Variants in ZCCHC14 observed in about 807,000 individuals in gnomAD.
ZCCHC14 encodes the protein zinc finger CCHC-type containing 14, also known as zinc finger CCHC domain-containing protein 14.
A neutral mutation model predicts 85.0 loss-of-function variants in ZCCHC14; 16 were observed. That is an observed-to-expected ratio of 0.19 (90% CI 0.13 to 0.29). The LOEUF (loss-of-function observed/expected upper bound fraction) is 0.29. Among genes scored for constraint, ZCCHC14 ranks in the 10% least tolerant of loss-of-function variants. The pLI, the probability that ZCCHC14 is intolerant of heterozygous loss-of-function variation, is 1.00. For missense variants in ZCCHC14, 1,303 were observed against 1,443.5 expected (o/e 0.90, Z 1.58); for synonymous variants, 775 against 630.7 (o/e 1.23, Z -3.43).
chr16:87,442,740 CA>C (rs1567524529), intron 2 of ZCCHC14, among the ~76,000 whole-genome samples: 1 of 152,158 alleles, frequency 6.6e-6, no homozygotes, highest in South Asian at 2.1e-4. Flanking sequence ...AAACTAAAGA[CA>C]AAAAAATCTT....
In ZCCHC14 at chr16:87,492,441, G is replaced by A. The variant is rs890800733; in HGVS notation, c.-203C>T. On this transcript the variant is annotated 5_prime_UTR_variant, in exon 1 of 13. Transcript: ENST00000671377. This position sits in a 1 kb window ranked among gnomAD's most constrained non-coding sequence, Gnocchi z 6.7. The stretch of plus-strand genomic sequence containing the variant: ...GGGGCCGGGCAAGGCTCCCGTCAGG[G>A]GCCGGCGGGCGGGCGCGCGCGGGGC... The A allele has an allele frequency of 2.1e-5, 3 of 145,032 alleles. No individual in the cohort carries two copies. The highest frequency in any genetic ancestry group is 2.1e-4 in the South Asian group (1 of 4,748). The allele number at this position is 145,032 out of a possible 1,614,324, so 9.0% of individuals were successfully genotyped here.
Position 87,420,772 on chromosome 16 carries a change from A to G in ZCCHC14, c.841-56T>C. The G allele has an allele frequency of 2.1e-6, 3 of 1,462,462 alleles. No individual in the cohort carries two copies. Among genetic ancestry groups the G allele is most frequent in the Non-Finnish European group, 2.8e-6 (3 of 1,075,862 alleles). The allele number at this position is 1,462,462 out of a possible 1,614,324, so 90.6% of individuals were successfully genotyped here. ...GTCCAGACCCATCCAACACCAGCAG[A>G]ATTCTGCTACTGCAGGAAAACCTGG... On this transcript the variant is annotated intron_variant, in intron 4 of 12. Coordinates refer to ENST00000671377, the MANE Select transcript of ZCCHC14 (RefSeq NM_015144.3). This position sits in a 1 kb window ranked among gnomAD's most constrained non-coding sequence, Gnocchi z 5.0.
intron 3 of ZCCHC14, among the ~76,000 whole-genome samples, chr16:87,424,999 T>TCACCCA (rs143498303): frequency 1.1e-4 from 17 of 152,198 alleles, no homozygotes; most frequent in African/African-American, 3.1e-4. Flanking sequence ...CTCTGCTCCC[T>TCACCCA]CACCCACACC....
At chr16:87,414,688 T>A (rs569891236) in intron 9 of ZCCHC14, 147 bp from the exon 10 acceptor site, 1 of 1,169,174 alleles carries the variant, frequency 8.6e-7, no homozygotes, top group Non-Finnish European at 1.2e-6. Context: ...CACAGGGAAA[T>A]TCCCCCCAGA....
Position 87,412,130 on chromosome 16 carries a change from G to A in ZCCHC14, c.2591C>T (p.Pro864Leu), listed in dbSNP as rs765303934. ...CAGCGCCGGGCTGGAGCTGGGGGCT[G>A]GGCAGCTGGGCAACGTGGCCATGTT... ...FANMATLPSCPAPSSSPALSS... is the reference protein window; with the variant it reads ...FANMATLPSCLAPSSSPALSS... The change falls in exon 12 of 13, where the codon CCA (proline) becomes CTA (leucine). Residue 864 changes from proline (P) to leucine (L), a missense_variant. By Grantham distance (98) the Pro-to-Leu change is moderately conservative. This residue lies in a region of ZCCHC14 where 797 missense variants were observed against 730.8 expected (regional missense o/e 1.09). Transcript: ENST00000671377. The A allele has an allele frequency of 1.2e-6, 2 of 1,613,718 alleles. No homozygotes were observed. Among genetic ancestry groups the A allele is most frequent in the African/African-American group, 2.7e-5 (2 of 74,934 alleles).
At chr16:87,454,390 G>T (rs751287933) in intron 2 of ZCCHC14, among the ~76,000 whole-genome samples, 2 of 152,078 alleles carry the variant, frequency 1.3e-5, no homozygotes, top group African/African-American at 4.8e-5. Context: ...CATCCTCAAC[G>T]CAGCCAGAGA....
rs1309837468 is a variant in ZCCHC14 at position 87,492,397 on chromosome 16, C to CGGGGCG, written c.-165_-160dup. On this transcript the variant is annotated 5_prime_UTR_variant, in exon 1 of 13. Coordinates refer to ENST00000671377, the MANE Select transcript of ZCCHC14 (RefSeq NM_015144.3). This position sits in a 1 kb window ranked among gnomAD's most constrained non-coding sequence, Gnocchi z 6.7. ...CGGGCGCCGCGGGCCGGGCGGGCGC[C>CGGGGCG]GGGGCGGGGGCGGGGACCGGGGCCG... Among the ~76,000 whole-genome samples, 5 of 140,622 alleles carry CGGGGCG rather than the reference C, an allele frequency of 3.6e-5. No individual in the cohort carries two copies. The highest frequency in any genetic ancestry group is 2.1e-4 in the East Asian group (1 of 4,706). 92.3% of individuals were successfully genotyped at this position (140,622 alleles called of 152,430 possible). A position where few individuals can be genotyped will look rare whatever the true frequency, so the allele number is the denominator to read the frequency against.
intron 4 of ZCCHC14, among the ~76,000 whole-genome samples, chr16:87,421,449 G>A (rs1178308691): frequency 6.6e-6 from 1 of 152,186 alleles, no homozygotes; most frequent in African/African-American, 2.4e-5. Context: ...GGTGCTGGAG[G>A]AGGTCAGCTC....
At chr16:87,413,654 C>A (rs752532714) in intron 10 of ZCCHC14, among the ~76,000 whole-genome samples, 15 of 152,128 alleles carry the variant, frequency 9.9e-5, no homozygotes, top group Non-Finnish European at 1.8e-4. Flanking sequence ...GACAACGGAG[C>A]AAGCGCGCCA....
chr16:87,438,412 T>C (rs898919217), intron 2 of ZCCHC14, among the ~76,000 whole-genome samples: 2 of 152,238 alleles, frequency 1.3e-5, no homozygotes, highest in Non-Finnish European at 2.9e-5. Flanking sequence ...CATGTTAGTT[T>C]TGTGGGCAAT....
chr16:87,491,542 T>G lies in ZCCHC14; in HGVS notation c.570+127A>C. On this transcript the variant is annotated intron_variant, in intron 1 of 12. Coordinates refer to ENST00000671377, the MANE Select transcript of ZCCHC14 (RefSeq NM_015144.3). The surrounding 1 kb of genome is among the most constrained non-coding windows in gnomAD (Gnocchi z 5.9). ...GGGCTCGTGGTGCAGGTTGGAGACC[T>G]GGGTGGGAGCTCTCAGTGCAGGCTG... The G allele has an allele frequency of 2.4e-6, 2 of 834,350 alleles. No homozygotes were observed. Among genetic ancestry groups the G allele is most frequent in the Non-Finnish European group, 3.3e-6 (2 of 609,412 alleles). The allele number at this position is 834,350 out of a possible 1,614,324, so 51.7% of individuals were successfully genotyped here.
chr16:87,423,903 A>G, intron 3 of ZCCHC14, 22 bp from the exon 4 acceptor site: 1 of 1,612,046 alleles, frequency 6.2e-7, no homozygotes, highest in Non-Finnish European at 8.5e-7. Context: ...ACAAACAAAC[A>G]AACCTTAGAA....
intron 1 of ZCCHC14, among the ~76,000 whole-genome samples, chr16:87,478,994 G>C (rs1912147565): frequency 6.6e-6 from 1 of 152,150 alleles, no homozygotes. Flanking sequence ...GTAGGGGTGA[G>C]GGTTGTTCCT....
intron 2 of ZCCHC14, among the ~76,000 whole-genome samples, chr16:87,452,958 T>A (rs1483805874): frequency 6.6e-6 from 1 of 152,148 alleles, no homozygotes; most frequent in Non-Finnish European, 1.5e-5. Flanking sequence ...TGGAGATACC[T>A]TGGGGGCCCT....
intron 1 of ZCCHC14, among the ~76,000 whole-genome samples, chr16:87,464,506 A>G (rs1911428308): frequency 6.6e-6 from 1 of 152,224 alleles, no homozygotes; most frequent in African/African-American, 2.4e-5. Flanking sequence ...CCACGCAGAC[A>G]GGAAGAGCTA....
rs1385941121 is a variant in ZCCHC14 at position 87,491,091 on chromosome 16, T to C, written c.570+578A>G. Reference sequence around the variant, plus strand: ...GAAACCAAGGCGCCGCAATGTGTGTTATCTGTCACCCAAGGGCCCCATTAA... The same window carrying C: ...GAAACCAAGGCGCCGCAATGTGTGTCATCTGTCACCCAAGGGCCCCATTAA... On this transcript the variant is annotated intron_variant, in intron 1 of 12. Coordinates refer to ENST00000671377, the MANE Select transcript of ZCCHC14 (RefSeq NM_015144.3). This position sits in a 1 kb window ranked among gnomAD's most constrained non-coding sequence, Gnocchi z 5.9. 6.6e-6 allele frequency among the ~76,000 whole-genome samples: 1 copy of C among 152,232 alleles called. No individual in the cohort carries two copies. The highest frequency in any genetic ancestry group is 1.5e-5 in the Non-Finnish European group (1 of 68,042).
At chr16:87,449,881 C>CA (rs1278493728) in intron 2 of ZCCHC14, among the ~76,000 whole-genome samples, 1 of 152,082 alleles carries the variant, frequency 6.6e-6, no homozygotes, top group Non-Finnish European at 1.5e-5. Flanking sequence ...CCTGTCTCTA[C>CA]AAAAAATATG....
intron 1 of ZCCHC14, chr16:87,470,299 C>T (rs560078532): frequency 6.6e-6 from 1 of 152,082 alleles, no homozygotes; most frequent in East Asian, 1.9e-4. Context: ...CACCGCACTC[C>T]AACCTGGGAG....
chr16:87,438,532 T>C (rs1910039843), intron 2 of ZCCHC14, among the ~76,000 whole-genome samples: 1 of 152,210 alleles, frequency 6.6e-6, no homozygotes, highest in African/African-American at 2.4e-5. Context: ...AGTTCGAATA[T>C]TCATTGAGTA....
Sources: allele counts gnomAD v4.1 joint callset (sites outside exome capture counted in the v4.1 genomes callset), GRCh38; gene constraint gnomAD v4.1.1; regional missense constraint gnomAD v4.1.1; non-coding constraint Gnocchi (gnomAD v3.1); transcripts MANE v1.5; gene names NCBI Gene and HGNC (gene_info 2026-07-23, HGNC 2026-07-21).